ARID1B: variants seen among roughly 807,000 people sequenced by gnomAD.
The protein encoded by ARID1B is AT-rich interaction domain 1B.
In ARID1B, 30 loss-of-function variants were observed where a neutral mutation model predicts 212.3. The observed-to-expected ratio is 0.14, with a 90% CI of 0.11 to 0.19. ARID1B has a LOEUF of 0.19. Ranked by LOEUF, ARID1B falls within the 10% of genes least tolerant of loss-of-function variation. ARID1B has a pLI of 1.00. For synonymous variants in ARID1B, 1,402 were observed against 1,301.7 expected, an observed-to-expected ratio of 1.08 and a Z score of -1.66; for missense variants, 2,891 against 3,204.0, an observed-to-expected ratio of 0.90 and a Z score of 2.36.
intron 4 of ARID1B, among the ~76,000 whole-genome samples, chr6:157,083,725 A>C (rs1366447990): frequency 6.6e-6 from 1 of 152,232 alleles, no homozygotes; most frequent in Non-Finnish European, 1.5e-5. Flanking sequence ...TGGTATTAAA[A>C]AGTAAGATAT....
intron 8 of ARID1B, among the ~76,000 whole-genome samples, chr6:157,159,127 T>C (rs1402165594): frequency 6.6e-6 from 1 of 152,216 alleles, no homozygotes; most frequent in Non-Finnish European, 1.5e-5. Context: ...AGGCAGCCCA[T>C]GTGCTGGGGA....
chr6:157,042,959 G>T (rs149342693), intron 4 of ARID1B, among the ~76,000 whole-genome samples: 97 of 152,074 alleles, frequency 6.4e-4, no homozygotes, highest in African/African-American at 2.1e-3. Flanking sequence ...CCGCACAAAG[G>T]CTACACTTAA....
chr6:156,857,135 A>G (rs1385022919), intron 2 of ARID1B, among the ~76,000 whole-genome samples: 1 of 152,240 alleles, frequency 6.6e-6, no homozygotes, highest in Admixed American at 6.5e-5. Context: ...TTTGAACCTC[A>G]TAATAGTTCT....
intron 4 of ARID1B, among the ~76,000 whole-genome samples, chr6:156,966,031 A>G (rs956522497): frequency 1.3e-5 from 2 of 152,208 alleles, no homozygotes; most frequent in Admixed American, 6.5e-5. Flanking sequence ...CACAGGGACC[A>G]CAAGTTCTCA....
At chr6:156,907,009 T>A (rs1458485990) in intron 3 of ARID1B, among the ~76,000 whole-genome samples, 1 of 152,210 alleles carries the variant, frequency 6.6e-6, no homozygotes, top group Non-Finnish European at 1.5e-5. Context: ...TCTTGCTAAT[T>A]CTGCTAATTC....
intron 6 of ARID1B, among the ~76,000 whole-genome samples, chr6:157,128,704 A>G (rs1304237728): frequency 6.6e-6 from 1 of 152,200 alleles, no homozygotes; most frequent in African/African-American, 2.4e-5. Context: ...CTTCATATTC[A>G]AGAGAGAGAG....
At chr6:156,870,728 T>TAA (rs35395270) in intron 2 of ARID1B, among the ~76,000 whole-genome samples, 6 of 144,250 alleles carry the variant, frequency 4.2e-5, no homozygotes, top group East Asian at 2.0e-4. Flanking sequence ...ATGGTAGTGT[T>TAA]AAAAAAAAAA....
chr6:156,889,681 T>G (rs1787775799), intron 2 of ARID1B, among the ~76,000 whole-genome samples: 2 of 152,188 alleles, frequency 1.3e-5, no homozygotes, highest in Admixed American at 1.3e-4. Flanking sequence ...TGCTGTGCCT[T>G]CGGGATCGTT....
At position 157,175,139 on chromosome 6, in the gene ARID1B, A is replaced by C. The variant is rs574771682; in HGVS notation, c.3504+134A>C. On this transcript the variant is annotated intron_variant, in intron 11 of 19. Coordinates refer to ENST00000636930, the MANE Select transcript of ARID1B (RefSeq NM_001374828.1). The stretch of plus-strand genomic sequence containing the variant: ...ACTTTTTCTTCATTATTTATCCATG[A>C]AAGGGTTTTCTTTATAAATAATAAT... The C allele has an allele frequency of 8.8e-6, 7 of 793,930 alleles. No individual in the cohort carries two copies. The South Asian group carries it at 3.8e-4, about 43-fold the overall frequency. The allele number at this position is 793,930 out of a possible 1,614,324, so 49.2% of individuals were successfully genotyped here.
At chr6:157,029,024 CTT>C (rs1780851943) in intron 4 of ARID1B, among the ~76,000 whole-genome samples, 1 of 152,188 alleles carries the variant, frequency 6.6e-6, no homozygotes, top group African/African-American at 2.4e-5. Context: ...GTCATTACCT[CTT>C]AACTCAGGAT....
At chr6:157,188,965 CA>C (rs1357047839) in intron 13 of ARID1B, among the ~76,000 whole-genome samples, 1 of 152,100 alleles carries the variant, frequency 6.6e-6, no homozygotes, top group Non-Finnish European at 1.5e-5. Flanking sequence ...CAAATCTCAG[CA>C]CCCTGATAAC....
intron 2 of ARID1B, among the ~76,000 whole-genome samples, chr6:156,887,724 A>G (rs1787623916): frequency 6.6e-6 from 1 of 152,134 alleles, no homozygotes; most frequent in Admixed American, 6.5e-5. Context: ...GTAACAATGC[A>G]ACCGCATAAT....
intron 11 of ARID1B, among the ~76,000 whole-genome samples, chr6:157,176,244 A>T (rs921024171): frequency 1.3e-5 from 2 of 152,280 alleles, no homozygotes; most frequent in African/African-American, 4.8e-5. Flanking sequence ...CGCTTCTAGG[A>T]TGGGTATAGC....
In ARID1B at chr6:157,083,838, T is replaced by A. The variant is rs193163227; in HGVS notation, c.2248-824T>A. Among the ~76,000 whole-genome samples, 382 of 152,304 alleles carry A rather than the reference T, an allele frequency of 2.5e-3. 2 individuals are homozygous for A. The highest frequency in any genetic ancestry group is 3.6e-3 in the Non-Finnish European group (242 of 68,018). On this transcript the variant is annotated intron_variant, in intron 4 of 19. Coordinates refer to ENST00000636930, the MANE Select transcript of ARID1B (RefSeq NM_001374828.1). ...TTATTTTCTTTTAATGGCACTTTAT[T>A]GTAAGAATTTCTCGGCCAGGCACAG...
chr6:157,114,868 G>A (rs1194980634), intron 6 of ARID1B, among the ~76,000 whole-genome samples: 1 of 152,120 alleles, frequency 6.6e-6, no homozygotes, highest in Non-Finnish European at 1.5e-5. Context: ...AAGTCCTCAT[G>A]GGGCAGTGAT....
chr6:156,780,699 T>G (rs992791697), intron 1 of ARID1B, among the ~76,000 whole-genome samples: 1 of 152,264 alleles, frequency 6.6e-6, no homozygotes, highest in Non-Finnish European at 1.5e-5. Flanking sequence ...AAGCTGAAAC[T>G]ATTATGAATC....
chr6:156,778,982 A>AGGCGGC lies in ARID1B; in HGVS notation c.1315_1320dup (p.Gly439_Gly440dup), dbSNP rs797045268. On this transcript the variant is annotated inframe_insertion, in exon 1 of 20. Transcript: ENST00000636930. The stretch of plus-strand genomic sequence containing the variant: ...CCGCGGCGGCGGCGGCAGCAGCAGG[A>AGGCGGC]GGCGGCGGCGGCGGCGGCTATGGGG... The AGGCGGC allele has an allele frequency of 2.1e-5, 27 of 1,262,840 alleles. No homozygotes were observed. The highest frequency in any genetic ancestry group is 1.0e-4 in the African/African-American group (6 of 59,604). 78.2% of individuals were successfully genotyped at this position (1,262,840 alleles called of 1,614,324 possible). A position where few individuals can be genotyped will look rare whatever the true frequency, so the allele number is the denominator to read the frequency against.
rs1196439495 is a variant in ARID1B, at chr6:156,778,092, C to G, written c.412C>G (p.Pro138Ala). 6.5e-7 allele frequency: 1 copy of G among 1,540,596 alleles called. No individual in the cohort carries two copies. Among genetic ancestry groups the G allele is most frequent in the East Asian group, 2.5e-5 (1 of 40,746 alleles). Reference sequence around the variant, plus strand: ...GGCATCCTCTTCCTCCTCGTCGGGCCCGGGCTCGGCCATGGAGACGGGGCT... The same window carrying G: ...GGCATCCTCTTCCTCCTCGTCGGGCGCGGGCTCGGCCATGGAGACGGGGCT... ...AAASSSSSSG[P>A]GSAMETGLLP... is the part of the protein sequence containing the mutation. The change falls in exon 1 of 20, where the codon CCG becomes GCG. Residue 138 changes from proline to alanine, a missense_variant. By Grantham distance (27) the Pro-to-Ala change is conservative (BLOSUM62 -1). Around this residue, in one of 7 missense-constraint regions of ARID1B, gnomAD observed 1,643 missense variants for 1,544.0 expected, o/e 1.06. Transcript: ENST00000636930.
chr6:157,133,347 A>G, intron 7 of ARID1B, 140 bp downstream of exon 7: 2 of 950,048 alleles, frequency 2.1e-6, no homozygotes, highest in Non-Finnish European at 3.0e-6. Flanking sequence ...AGGTTCATAC[A>G]AGCCCACAGT....
Sources: allele counts gnomAD v4.1 joint callset (sites outside exome capture counted in the v4.1 genomes callset), GRCh38; gene constraint gnomAD v4.1.1; regional missense constraint gnomAD v4.1.1; transcripts MANE v1.5; gene names NCBI Gene and HGNC (gene_info 2026-07-23, HGNC 2026-07-21).